Variants in PDCD6IP observed in about 807,000 individuals in gnomAD.
PDCD6IP encodes the protein programmed cell death 6 interacting protein, also known as programmed cell death 6-interacting protein.
In PDCD6IP, 43 loss-of-function variants were observed where a neutral mutation model predicts 103.7. That is an observed-to-expected ratio of 0.41 (90% CI 0.32 to 0.53). The LOEUF is 0.53. Among genes scored for constraint, PDCD6IP ranks in the 20% least tolerant of loss-of-function variants. The probability of loss-of-function intolerance (pLI) is 0.16; values close to 1 mark genes in which losing one functional copy is unlikely to be tolerated. For missense variants in PDCD6IP, 871 were observed against 1,036.7 expected (o/e 0.84, Z 2.20); for synonymous variants, 354 against 378.7 (o/e 0.93, Z 0.76).
chr3:33,854,049 A>T, intron 14 of PDCD6IP, 36 bp downstream of exon 14: 2 of 1,540,984 alleles, frequency 1.3e-6, no homozygotes, highest in Non-Finnish European at 8.7e-7. Context: ...ATAGCTAGCA[A>T]GTACAGATGT....
intron 9 of PDCD6IP, among the ~76,000 whole-genome samples, chr3:33,840,676 G>A (rs751177813): frequency 6.8e-6 from 1 of 147,740 alleles, no homozygotes; most frequent in Non-Finnish European, 1.5e-5. Context: ...ACCTCCCTTC[G>A]CCATCATGTA....
At chr3:33,829,717 A>G (rs1199686311) in intron 7 of PDCD6IP, among the ~76,000 whole-genome samples, 1 of 152,140 alleles carries the variant, frequency 6.6e-6, no homozygotes, top group African/African-American at 2.4e-5. Flanking sequence ...AAGTTTAAAT[A>G]TGTACTGATT....
chr3:33,842,935 G>A (rs1192261853), intron 10 of PDCD6IP, among the ~76,000 whole-genome samples: 1 of 152,136 alleles, frequency 6.6e-6, no homozygotes, highest in African/African-American at 2.4e-5. Context: ...TTGAGATCTG[G>A]GTTTAAGGTG....
chr3:33,805,354 C>G (rs1385046614), intron 1 of PDCD6IP, among the ~76,000 whole-genome samples: 1 of 112,390 alleles, frequency 8.9e-6, no homozygotes, highest in Non-Finnish European at 1.9e-5. Flanking sequence ...GATTCTGTCT[C>G]AAAAAAAAAA....
intron 3 of PDCD6IP, among the ~76,000 whole-genome samples, chr3:33,819,343 C>T (rs1428759126): frequency 6.6e-6 from 1 of 152,052 alleles, no homozygotes; most frequent in African/African-American, 2.4e-5. Flanking sequence ...CTTTGAATCT[C>T]TTTAAGGAAT....
chr3:33,818,400 G>A (rs753648712), intron 3 of PDCD6IP, among the ~76,000 whole-genome samples: 6 of 150,534 alleles, frequency 4.0e-5, no homozygotes, highest in South Asian at 4.2e-4. Flanking sequence ...GAGCCACCAC[G>A]CCTGGCTGAT....
intron 6 of PDCD6IP, 21 bp downstream of exon 6, chr3:33,826,601 A>G: frequency 6.2e-7 from 1 of 1,610,110 alleles, no homozygotes; most frequent in East Asian, 2.2e-5. Flanking sequence ...GTTTTTATAA[A>G]CACTTGCTTA....
intron 3 of PDCD6IP, among the ~76,000 whole-genome samples, chr3:33,817,787 A>ATT (rs199924504): frequency 6.6e-6 from 1 of 152,014 alleles, no homozygotes; most frequent in Non-Finnish European, 1.5e-5. Context: ...AAAACTTAAA[A>ATT]GAGAGCAAGT....
At chr3:33,831,063 T>C (rs982950096) in intron 7 of PDCD6IP, among the ~76,000 whole-genome samples, 1 of 152,102 alleles carries the variant, frequency 6.6e-6, no homozygotes, top group Non-Finnish European at 1.5e-5. Flanking sequence ...AAATAACTGC[T>C]TGGAATCAAT....
At chr3:33,800,013 G>C (rs964067236) in intron 1 of PDCD6IP, among the ~76,000 whole-genome samples, 1 of 151,216 alleles carries the variant, frequency 6.6e-6, no homozygotes, top group Non-Finnish European at 1.5e-5. Flanking sequence ...CCAGCTACTC[G>C]GGAGGCTGAG....
chr3:33,850,324 A>G (rs1334533148), intron 12 of PDCD6IP, among the ~76,000 whole-genome samples: 3 of 148,568 alleles, frequency 2.0e-5, no homozygotes, highest in African/African-American at 7.4e-5. Flanking sequence ...ACTTTGTTAG[A>G]CCCATTTGTT....
intron 1 of PDCD6IP, among the ~76,000 whole-genome samples, chr3:33,800,908 T>C (rs1696462989): frequency 6.6e-6 from 1 of 152,224 alleles, no homozygotes. Context: ...GGTTCTCCTG[T>C]CAACTTTAAA....
intron 1 of PDCD6IP, among the ~76,000 whole-genome samples, chr3:33,811,462 C>T (rs1397444812): frequency 1.3e-5 from 2 of 152,186 alleles, no homozygotes; most frequent in Non-Finnish European, 2.9e-5. Flanking sequence ...CCCTTTTCTC[C>T]TCCTTTCCCT....
intron 16 of PDCD6IP, among the ~76,000 whole-genome samples, chr3:33,864,878 A>AT (rs1698029872): frequency 6.6e-6 from 1 of 152,162 alleles, no homozygotes; most frequent in South Asian, 2.1e-4. Flanking sequence ...TTTATATACT[A>AT]TTTTTTACAA....
At position 33,825,175 on chromosome 3, in the gene PDCD6IP, TC is replaced by T. The variant is rs758382365; in HGVS notation, c.463-6del. On this transcript the variant is annotated splice_polypyrimidine_tract_variant and intron_variant, in intron 4 of 17. Coordinates refer to ENST00000307296, the MANE Select transcript of PDCD6IP (RefSeq NM_013374.6). ...TGAGTTCCTATAAAGAAATTCTTTT[TC>T]CCCCCTTTAGTTTGCTAGTGGTGCC... The T allele has an allele frequency of 3.7e-6, 6 of 1,600,810 alleles. No individual in the cohort carries two copies. In the Admixed American group the frequency reaches 7.2e-5, roughly 19 times the overall value.
At chr3:33,824,998 C>T (rs1015475605) in intron 4 of PDCD6IP, among the ~76,000 whole-genome samples, 189 bp from the exon 5 acceptor site, 25 of 152,020 alleles carry the variant, frequency 1.6e-4, no homozygotes, top group East Asian at 1.9e-4. Context: ...TCTCTTGTTA[C>T]GCTATAGAGT....
intron 3 of PDCD6IP, among the ~76,000 whole-genome samples, chr3:33,816,522 A>AG (rs1696856514): frequency 6.6e-6 from 1 of 151,348 alleles, no homozygotes; most frequent in Non-Finnish European, 1.5e-5. Flanking sequence ...AAAAAAAAAA[A>AG]AAAAAAGAAA....
At chr3:33,799,210 C>T (rs1291668435) in intron 1 of PDCD6IP, 2 of 432,424 alleles carry the variant, frequency 4.6e-6, no homozygotes, top group Non-Finnish European at 8.2e-6. Context: ...AGCAGTCTGC[C>T]CTGTACTGAT....
chr3:33,832,963 T>A (rs1194899478), intron 7 of PDCD6IP, among the ~76,000 whole-genome samples: 1 of 152,138 alleles, frequency 6.6e-6, no homozygotes, highest in Admixed American at 6.5e-5. Flanking sequence ...CAAACATATA[T>A]AAAAGTATGA....
Sources: gnomAD v4.1 joint callset for allele counts (sites outside exome capture counted in the v4.1 genomes callset) on GRCh38, gnomAD v4.1.1 for gene constraint, MANE v1.5 for transcripts, NCBI Gene and HGNC (gene_info 2026-07-23, HGNC 2026-07-21) for gene names.